Variants in KIF22 observed in about 807,000 individuals in gnomAD.
KIF22 encodes the protein kinesin family member 22.
Under a neutral mutation model 73.0 loss-of-function variants are expected in KIF22, and 62 were observed. That is an observed-to-expected ratio of 0.85 (90% CI 0.69 to 1.05). KIF22 has a LOEUF of 1.05. KIF22 is among the 50% of genes least tolerant of loss of function. KIF22 has a pLI of 0.00. For missense variants in KIF22, 854 were observed against 870.1 expected (o/e 0.98, Z 0.23); for synonymous variants, 411 against 340.1 (o/e 1.21, Z -2.29).
chr16:29,794,660 C>T (rs574288853), intron 1 of KIF22, among the ~76,000 whole-genome samples: 26 of 152,246 alleles, frequency 1.7e-4, no homozygotes, highest in African/African-American at 6.3e-4. Context: ...CTGCTCACTG[C>T]AACCTCCACT....
At position 29,790,766 on chromosome 16, in the gene KIF22, G is replaced by A. The variant is rs764952100; in HGVS notation, c.7G>A (p.Ala3Thr). 5.0e-6 allele frequency: 8 copies of A among 1,595,788 alleles called. No individual in the cohort carries two copies. In the Admixed American group the frequency reaches 1.4e-4, roughly 28 times the overall value. ...GGCCCAAGGAGGGAGTGGAATGGCC[G>A]CGGGCGGCTCGACGCAGCAGAGGCG... MA[A>T]GGSTQQRRRE... The change falls in exon 1 of 14, where the codon GCG (alanine) becomes ACG (threonine). Residue 3 changes from alanine (A) to threonine (T), a missense_variant. Around this residue, in one of 3 missense-constraint regions of KIF22, gnomAD observed 186 missense variants for 152.9 expected, o/e 1.22. Coordinates refer to ENST00000160827, the MANE Select transcript of KIF22 (RefSeq NM_007317.3).
intron 11 of KIF22, 102 bp from the exon 12 acceptor site, chr16:29,804,712 G>A (rs1899290057): frequency 3.3e-6 from 3 of 896,866 alleles, no homozygotes; most frequent in Non-Finnish European, 5.3e-6. Context: ...AGAGGAAGAG[G>A]CTGGAGCGCA....
In KIF22 at chr16:29,803,607, A is replaced by G. The variant is rs1172404732; in HGVS notation, c.1608A>G (p.Leu536=). ...AGGCTGTGGTGATGCCCCTACAGCT[A>G]AGTAAGTTTGACTCCAGGGGCTGGG... ...LKKAVVMPLQ[L]IQEQAASPNA... is the part of the protein sequence containing the mutation. The change falls in exon 10 of 14, where the codon CTA becomes CTG. Residue 536 remains leucine, a splice_region_variant and synonymous_variant. Coordinates refer to ENST00000160827, the MANE Select transcript of KIF22 (RefSeq NM_007317.3). The G allele has an allele frequency of 3.7e-6, 6 of 1,604,340 alleles. No homozygotes were observed. Among genetic ancestry groups the G allele is most frequent in the Non-Finnish European group, 5.1e-6 (6 of 1,175,986 alleles).
At chr16:29,800,987 G>A (rs778038603) in intron 8 of KIF22, among the ~76,000 whole-genome samples, 2 of 152,148 alleles carry the variant, frequency 1.3e-5, no homozygotes, top group South Asian at 4.1e-4. Context: ...TTCAAGGAGT[G>A]ATCTGGATCA....
chr16:29,791,031 C>A, intron 1 of KIF22: 5 of 1,431,856 alleles, frequency 3.5e-6, no homozygotes, highest in Non-Finnish European at 4.6e-6. Flanking sequence ...TTCCTGCTCT[C>A]CCCTTGGGTC....
intron 1 of KIF22, among the ~76,000 whole-genome samples, chr16:29,796,267 T>TGAAA (rs1596844558): frequency 1.4e-4 from 1 of 6,906 alleles, no homozygotes; most frequent in Non-Finnish European, 3.6e-4. Flanking sequence ...CAAGACTGTC[T>TGAAA]CAAAAAAAAA....
At position 29,803,501 on chromosome 16, in the gene KIF22, C is replaced by CG. The variant is rs1899216140; in HGVS notation, c.1502_1503insG (p.Glu502Ter). 1 of 1,614,208 alleles carries CG rather than the reference C, an allele frequency of 6.2e-7. No homozygotes were observed. The highest frequency in any genetic ancestry group is 8.5e-7 in the Non-Finnish European group (1 of 1,180,012). ...GAGGCCAAGATGTTGGCCCAGAAGG[C>CG]TGAGGAAAAGGAGAACCATTGTCCC... On this transcript the variant is annotated frameshift_variant, in exon 10 of 14. Transcript: ENST00000160827. LOFTEE classifies it high-confidence loss of function.
At position 29,798,313 on chromosome 16, in the gene KIF22, TACACACACACACACACACAC is replaced by T; in HGVS notation, c.267-46_267-27del. 3.2e-6 allele frequency: 4 copies of T among 1,240,226 alleles called. No homozygotes were observed. The highest frequency in any genetic ancestry group is 1.6e-5 in the South Asian group (1 of 64,110). 76.8% of individuals were successfully genotyped at this position (1,240,226 alleles called of 1,614,324 possible). On this transcript the variant is annotated intron_variant, in intron 2 of 13. Coordinates refer to ENST00000160827, the MANE Select transcript of KIF22 (RefSeq NM_007317.3). The surrounding 1 kb of genome is among the most constrained non-coding windows in gnomAD (Gnocchi z 4.1). The stretch of plus-strand genomic sequence containing the variant: ...CCCACCCCCACCCCACTCCACCCCT[TACACACACACACACACACAC>T]ACACACACACACACGCTAATTTCTT...
chr16:29,792,396 G>A (rs556441802), intron 1 of KIF22: 1 of 985,052 alleles, frequency 1.0e-6, no homozygotes, highest in South Asian at 4.7e-5. Flanking sequence ...ATGGCCGTGA[G>A]CCATTTTCAT....
intron 1 of KIF22, among the ~76,000 whole-genome samples, chr16:29,794,108 T>G (rs1414720166): frequency 6.6e-6 from 1 of 152,208 alleles, no homozygotes; most frequent in African/African-American, 2.4e-5. Context: ...TGTACATTAT[T>G]ACTTTGAATC....
chr16:29,791,224 G>A (rs1456708370), intron 1 of KIF22: 3 of 1,081,194 alleles, frequency 2.8e-6, no homozygotes, highest in Non-Finnish European at 3.4e-6. Flanking sequence ...AGCCGGAGGC[G>A]TGTATTGGGA....
chr16:29,799,833 G>A (rs1567359615), intron 7 of KIF22, 52 bp downstream of exon 7: 6 of 1,612,834 alleles, frequency 3.7e-6, no homozygotes, highest in Non-Finnish European at 5.1e-6. Context: ...AAATTAGGGA[G>A]TTTGTTGAAA....
At chr16:29,801,415 TC>T (rs1180424064) in intron 8 of KIF22, among the ~76,000 whole-genome samples, 3 of 152,178 alleles carry the variant, frequency 2.0e-5, no homozygotes, top group African/African-American at 4.8e-5. Context: ...GCCCACTCTG[TC>T]CCAGGGGGCT....
Position 29,799,292 on chromosome 16 carries a change from T to C in KIF22, c.788T>C (p.Phe263Ser). 6.2e-7 allele frequency: 1 copy of C among 1,614,028 alleles called. No individual in the cohort carries two copies. Residue 263 changes from phenylalanine to serine, a missense_variant, in exon 6 of 14, where the codon TTT becomes TCT. Phe to Ser is a radical substitution (Grantham distance 155). Coordinates refer to ENST00000160827, the MANE Select transcript of KIF22 (RefSeq NM_007317.3). ...GACCAGCGGGAACGTTTGGCCCCATTTCGCCAGCGAGAGGGAAAACTCTAC... is the reference window on the plus strand; with the variant it reads ...GACCAGCGGGAACGTTTGGCCCCATCTCGCCAGCGAGAGGGAAAACTCTAC... Reference protein sequence around the residue: ...KVDQRERLAPFRQREGKLYLI... With the variant: ...KVDQRERLAPSRQREGKLYLI...
At chr16:29,805,054 C>A in intron 12 of KIF22, 28 bp downstream of exon 12, 1 of 674,496 alleles carries the variant, frequency 1.5e-6, no homozygotes, top group Non-Finnish European at 2.6e-6. Context: ...TGGGGGAGGG[C>A]GGGGGCGGGG....
rs1899181074 is a variant in KIF22 at position 29,802,625 on chromosome 16, C to T, written c.1281-144C>T. 8 of 730,660 alleles carry T rather than the reference C, an allele frequency of 1.1e-5. No individual in the cohort carries two copies. The South Asian group carries it at 1.6e-4, about 15-fold the overall frequency. 45.3% of individuals were successfully genotyped at this position (730,660 alleles called of 1,614,324 possible). A position where few individuals can be genotyped will look rare whatever the true frequency, so the allele number is the denominator to read the frequency against. On this transcript the variant is annotated intron_variant, in intron 8 of 13. Transcript: ENST00000160827. ...CTTCACCTGATGAAGACACTGCACC[C>T]AGAGAAACTGGATGCCTAGCAAGTT... is the stretch of plus-strand genomic sequence containing the variant.
At position 29,805,245 on chromosome 16, in the gene KIF22, C is replaced by T. The variant is rs1282766936; in HGVS notation, c.1951-18C>T. On this transcript the variant is annotated intron_variant, in intron 13 of 13. Transcript: ENST00000160827. ...GCCCCTCTCTAACGTCGCTGTCTCC[C>T]TCCCTCCTGTGTTGCAGGCAAACAT... 7 of 1,613,838 alleles carry T rather than the reference C, an allele frequency of 4.3e-6. No homozygotes were observed. The highest frequency in any genetic ancestry group is 5.9e-6 in the Non-Finnish European group (7 of 1,180,048).
chr16:29,805,296 T>C lies in KIF22; in HGVS notation c.1984T>C (p.Cys662Arg). Residue 662 changes from cysteine (C) to arginine (R), a missense_variant, in exon 14 of 14, where the codon TGT becomes CGT. Coordinates refer to ENST00000160827, the MANE Select transcript of KIF22 (RefSeq NM_007317.3). ...CCTGGGTCTCGCCGCCGGCCAGCGC[T>C]GTGGCGCCTCCTGACCGTCGTCTCC... ...NILGLAAGQR[C>R]GAS 1 of 1,613,704 alleles carries C rather than the reference T, an allele frequency of 6.2e-7. No individual in the cohort carries two copies.
chr16:29,804,246 G>A (rs975868313), intron 11 of KIF22, 181 bp downstream of exon 11: 2 of 637,532 alleles, frequency 3.1e-6, no homozygotes, highest in African/African-American at 1.8e-5. Context: ...AGGGCATTTA[G>A]GGTGGAAGGC....
Sources: allele counts gnomAD v4.1 joint callset (sites outside exome capture counted in the v4.1 genomes callset), GRCh38; gene constraint gnomAD v4.1.1; regional missense constraint gnomAD v4.1.1; non-coding constraint Gnocchi (gnomAD v3.1); transcripts MANE v1.5; gene names NCBI Gene and HGNC (gene_info 2026-07-23, HGNC 2026-07-21).